The following WDR27 variants were observed in gnomAD, a reference collection of about 807,000 sequenced individuals.
WDR27 encodes WD repeat domain 27.
A neutral mutation model predicts 114.4 loss-of-function variants in WDR27; 100 were observed. That is an observed-to-expected ratio of 0.87 (90% confidence interval 0.74 to 1.03). The LOEUF (loss-of-function observed/expected upper bound fraction) is 1.03, where lower values mean the gene tolerates loss of function less well. Among genes scored for constraint, WDR27 ranks in the 50% least tolerant of loss-of-function variants. The pLI, the probability that WDR27 is intolerant of heterozygous loss-of-function variation, is 0.00. For synonymous variants in WDR27, 449 were observed against 423.1 expected (o/e 1.06, Z -0.75); for missense variants, 1,129 against 1,092.9 (o/e 1.03, Z -0.47).
intron 25 of WDR27, among the ~76,000 whole-genome samples, chr6:169,536,981 A>G (rs1796268581): frequency 6.6e-6 from 1 of 152,242 alleles, no homozygotes; most frequent in African/African-American, 2.4e-5. Context: ...AAATTTATTT[A>G]CCATGCAATC....
At chr6:169,431,161 T>G in the WDR27 span, among the ~76,000 whole-genome samples, 1 of 152,242 alleles carries the variant, frequency 6.6e-6, no homozygotes, top group Non-Finnish European at 1.5e-5. Flanking sequence ...GCCAATAATT[T>G]GTTTTTCAAG....
At chr6:169,444,649 A>T in the WDR27 span, among the ~76,000 whole-genome samples, 2 of 150,666 alleles carry the variant, frequency 1.3e-5, no homozygotes, top group African/African-American at 4.9e-5. Flanking sequence ...AGTCCTCAAG[A>T]GATGGTGGAC....
intron 25 of WDR27, among the ~76,000 whole-genome samples, chr6:169,566,194 A>G (rs1800454817): frequency 6.6e-6 from 1 of 152,172 alleles, no homozygotes; most frequent in Admixed American, 6.5e-5. Context: ...GAAATAAAAC[A>G]TTTTGTAGCG....
chr6:169,664,494 C>A (rs369791141), intron 7 of WDR27: 1 of 1,414,776 alleles, frequency 7.1e-7, no homozygotes, highest in African/African-American at 1.4e-5. Flanking sequence ...CACTTTCACA[C>A]GGCTGGCACA....
intron 1 of WDR27, among the ~76,000 whole-genome samples, chr6:169,691,467 G>A (rs1235690239): frequency 6.6e-6 from 1 of 152,104 alleles, no homozygotes; most frequent in Non-Finnish European, 1.5e-5. Flanking sequence ...ATGGCAGTAG[G>A]TGCTGGGCAG....
At chr6:169,640,227 C>CAAG (rs1447551061) in intron 17 of WDR27, among the ~76,000 whole-genome samples, 1 of 152,200 alleles carries the variant, frequency 6.6e-6, no homozygotes, top group Non-Finnish European at 1.5e-5. Flanking sequence ...AAGACCCCTT[C>CAAG]CTGTGGGCCT....
Position 169,643,729 on chromosome 6 carries a change from G to C in WDR27, c.1715C>G (p.Ala572Gly), listed in dbSNP as rs1204627806. The C allele has an allele frequency of 1.2e-6, 2 of 1,613,610 alleles. No homozygotes were observed. Among genetic ancestry groups the C allele is most frequent in the Admixed American group, 3.3e-5 (2 of 60,018 alleles). The change falls in exon 17 of 26, where the codon GCC (alanine) becomes GGC (glycine). Residue 572 changes from alanine (A) to glycine (G), a missense_variant. By Grantham distance (60) the Ala-to-Gly change is moderately conservative (BLOSUM62 0). Coordinates refer to ENST00000448612, the MANE Select transcript of WDR27 (RefSeq NM_182552.5). ...LANHLLLVFD[A>G]SLTGTPAVFS... ...CACAGCAGGTGTCCCAGTCAGGCTG[G>C]CATCAAAAACGAGTAACAGATGGTT...
At chr6:169,557,453 TG>T (rs1005049138) in intron 25 of WDR27, among the ~76,000 whole-genome samples, 1 of 152,188 alleles carries the variant, frequency 6.6e-6, no homozygotes, top group African/African-American at 2.4e-5. Context: ...GATGCGGGAC[TG>T]GGGCCTCTGG....
intron 25 of WDR27, among the ~76,000 whole-genome samples, chr6:169,477,404 G>T (rs1360521606): frequency 6.6e-6 from 1 of 152,170 alleles, no homozygotes; most frequent in African/African-American, 2.4e-5. Context: ...TTGCACAGCT[G>T]CTTGGAAAAC....
At chr6:169,611,651 G>A (rs1333791075) in intron 22 of WDR27, among the ~76,000 whole-genome samples, 1 of 152,092 alleles carries the variant, frequency 6.6e-6, no homozygotes, top group Non-Finnish European at 1.5e-5. Flanking sequence ...TACTCTACAT[G>A]CTTTTTTCTA....
chr6:169,471,315 C>T (rs1464404039), intron 25 of WDR27, among the ~76,000 whole-genome samples: 2 of 152,092 alleles, frequency 1.3e-5, no homozygotes, highest in Non-Finnish European at 2.9e-5. Flanking sequence ...CAATCATCAT[C>T]TCCCACAAGG....
chr6:169,560,205 G>A (rs554444922), intron 25 of WDR27, among the ~76,000 whole-genome samples: 6 of 152,206 alleles, frequency 3.9e-5, no homozygotes, highest in African/African-American at 7.2e-5. Flanking sequence ...TAAGTCTCAC[G>A]AGATCTGATG....
chr6:169,445,354 C>T, the WDR27 span, among the ~76,000 whole-genome samples: 7 of 152,158 alleles, frequency 4.6e-5, no homozygotes, highest in South Asian at 6.2e-4. Context: ...GGGTCTCCAC[C>T]GCAGGTCATG....
the WDR27 span, among the ~76,000 whole-genome samples, chr6:169,441,908 C>T: frequency 4.4e-4 from 62 of 141,644 alleles, no homozygotes; most frequent in African/African-American, 1.6e-3. Flanking sequence ...ACTCATATGC[C>T]ACCTCAGAAG....
At chr6:169,453,809 T>C (rs568406466), downstream of WDR27, among the ~76,000 whole-genome samples, 104 of 152,346 alleles carry the variant, frequency 6.8e-4, no homozygotes, top group African/African-American at 2.3e-3. Flanking sequence ...AAATGTAAGA[T>C]AATTTCATAG....
At chr6:169,656,212 G>T (rs2128252301) in intron 13 of WDR27, among the ~76,000 whole-genome samples, 1 of 152,264 alleles carries the variant, frequency 6.6e-6, no homozygotes, top group East Asian at 1.9e-4. Flanking sequence ...CTCAAAGATG[G>T]GCACAGCAGT....
At chr6:169,573,616 C>A (rs943407971) in intron 24 of WDR27, among the ~76,000 whole-genome samples, 4 of 152,132 alleles carry the variant, frequency 2.6e-5, no homozygotes, top group Non-Finnish European at 5.9e-5. Context: ...TTACAACTGA[C>A]AATAGAAAAT....
chr6:169,610,240 C>T (rs1283276419), intron 22 of WDR27, among the ~76,000 whole-genome samples: 1 of 152,232 alleles, frequency 6.6e-6, no homozygotes, highest in African/African-American at 2.4e-5. Context: ...TTTTGGATAT[C>T]TTCTCAGCAG....
At chr6:169,630,260 G>A (rs765966965) in intron 21 of WDR27, among the ~76,000 whole-genome samples, 9 of 152,134 alleles carry the variant, frequency 5.9e-5, no homozygotes, top group Non-Finnish European at 8.8e-5. Context: ...ACATGCTGAC[G>A]AGTCTTTTTA....
Sources: gnomAD v4.1 joint callset for allele counts (sites outside exome capture counted in the v4.1 genomes callset) on GRCh38, gnomAD v4.1.1 for gene constraint, MANE v1.5 for transcripts, NCBI Gene and HGNC (gene_info 2026-07-23, HGNC 2026-07-21) for gene names.